INPP5A: variants seen among roughly 807,000 people sequenced by gnomAD.
The protein encoded by INPP5A is inositol polyphosphate-5-phosphatase A.
In INPP5A, 14 loss-of-function variants were observed where a neutral mutation model predicts 65.2. That is an observed-to-expected ratio of 0.21 (90% confidence interval 0.14 to 0.34). The LOEUF is 0.34. Among genes scored for constraint, INPP5A ranks in the 10% least tolerant of loss-of-function variants. The pLI is 1.00. For synonymous variants in INPP5A, 207 were observed against 208.3 expected, an observed-to-expected ratio of 0.99 and a Z score of 0.05; for missense variants, 431 against 545.6, an observed-to-expected ratio of 0.79 and a Z score of 2.09.
intron 1 of INPP5A, among the ~76,000 whole-genome samples, chr10:132,585,208 GTTA>G (rs1388449172): frequency 6.6e-6 from 1 of 152,164 alleles, no homozygotes; most frequent in Non-Finnish European, 1.5e-5. Flanking sequence ...TTTATACAAA[GTTA>G]TTAACAGGTA....
chr10:132,593,000 G>A (rs1329353964), intron 1 of INPP5A, among the ~76,000 whole-genome samples: 5 of 152,156 alleles, frequency 3.3e-5, no homozygotes, highest in Non-Finnish European at 7.3e-5. Context: ...TCAGGTGCTT[G>A]GCAGATATCA....
intron 5 of INPP5A, 66 bp downstream of exon 5, chr10:132,690,521 C>T: frequency 2.6e-6 from 3 of 1,164,356 alleles, no homozygotes; most frequent in Non-Finnish European, 3.9e-6. Flanking sequence ...TCTGGCTTCC[C>T]CAGACCTCTC....
At chr10:132,720,561 G>T (rs1018095686) in intron 8 of INPP5A, among the ~76,000 whole-genome samples, 3 of 150,164 alleles carry the variant, frequency 2.0e-5, no homozygotes, top group Non-Finnish European at 4.4e-5. Context: ...TGTCTTCAGG[G>T]TTCTGTGGTA....
At chr10:132,695,146 C>T (rs1441561494) in intron 5 of INPP5A, among the ~76,000 whole-genome samples, 1 of 151,860 alleles carries the variant, frequency 6.6e-6, no homozygotes, top group African/African-American at 2.4e-5. Context: ...CAGTTATATA[C>T]TATGACCAAC....
intron 1 of INPP5A, among the ~76,000 whole-genome samples, chr10:132,559,517 C>T (rs1046103097): frequency 1.3e-5 from 2 of 152,226 alleles, no homozygotes; most frequent in African/African-American, 4.8e-5. Context: ...CCCCTTCCGC[C>T]AACCACGAAG....
intron 4 of INPP5A, among the ~76,000 whole-genome samples, chr10:132,690,067 A>G (rs540893517): frequency 1.1e-3 from 163 of 151,848 alleles, no homozygotes; most frequent in African/African-American, 3.7e-3. Context: ...AGCCCGCGGG[A>G]CCTGCGCCCC....
chr10:132,623,573 G>A (rs942290991), intron 2 of INPP5A, among the ~76,000 whole-genome samples: 1 of 152,096 alleles, frequency 6.6e-6, no homozygotes, highest in African/African-American at 2.4e-5. Flanking sequence ...AAATCTTTTT[G>A]ACCTTGGATT....
chr10:132,663,125 G>A lies in INPP5A; in HGVS notation c.306+12620G>A, dbSNP rs73383194. ...GTGTGTCTCACAACTCAGGCAACTCGGCACGCCGCAGGACATAACGGCAGA... is the reference window on the plus strand; with the variant it reads ...GTGTGTCTCACAACTCAGGCAACTCAGCACGCCGCAGGACATAACGGCAGA... On this transcript the variant is annotated intron_variant, in intron 4 of 15. Coordinates refer to ENST00000368594, the MANE Select transcript of INPP5A (RefSeq NM_005539.5). The surrounding 1 kb of genome is among the most constrained non-coding windows in gnomAD (Gnocchi z 4.5). Among the ~76,000 whole-genome samples the A allele has an allele frequency of 4.0e-3, 616 of 152,310 alleles. 2 individuals carry two copies. Among genetic ancestry groups the A allele is most frequent in the African/African-American group, 0.014 (583 of 41,556 alleles).
intron 1 of INPP5A, among the ~76,000 whole-genome samples, chr10:132,583,418 G>A (rs1177617997): frequency 6.6e-6 from 1 of 152,148 alleles, no homozygotes; most frequent in Non-Finnish European, 1.5e-5. Flanking sequence ...CGTTGGGCTG[G>A]TCAGGACCTT....
At chr10:132,724,126 C>T (rs1485426105) in intron 8 of INPP5A, among the ~76,000 whole-genome samples, 1 of 142,238 alleles carries the variant, frequency 7.0e-6, no homozygotes, top group African/African-American at 3.1e-5. Context: ...GAAGGACTTC[C>T]CTATAAAAAG....
At chr10:132,579,614 C>T (rs2071456180) in intron 1 of INPP5A, among the ~76,000 whole-genome samples, 1 of 152,160 alleles carries the variant, frequency 6.6e-6, no homozygotes, top group Non-Finnish European at 1.5e-5. Context: ...CGGCTGGCTC[C>T]AGCCTTGCCC....
chr10:132,646,956 G>C (rs2072503894), intron 3 of INPP5A, among the ~76,000 whole-genome samples: 1 of 152,200 alleles, frequency 6.6e-6, no homozygotes, highest in African/African-American at 2.4e-5. Context: ...TGTGAGCGAG[G>C]CTTCAGGCGA....
chr10:132,569,282 G>C (rs1370102557), intron 1 of INPP5A, among the ~76,000 whole-genome samples: 1 of 152,022 alleles, frequency 6.6e-6, no homozygotes, highest in Non-Finnish European at 1.5e-5. Context: ...TATCTCACAT[G>C]GTTTCTTCTG....
intron 11 of INPP5A, among the ~76,000 whole-genome samples, chr10:132,755,093 G>T (rs576403562): frequency 6.6e-6 from 1 of 152,182 alleles, no homozygotes; most frequent in South Asian, 2.1e-4. Context: ...GCATATGCAT[G>T]TGAGCAGGCA....
At chr10:132,548,792 CTTTTTTT>C (rs71013535) in intron 1 of INPP5A, among the ~76,000 whole-genome samples, 2 of 79,316 alleles carry the variant, frequency 2.5e-5, no homozygotes, top group South Asian at 4.8e-4. Flanking sequence ...GTTTATCTGG[CTTTTTTT>C]TTTTTTTTTT....
rs187691985 is a variant in INPP5A at position 132,625,050 on chromosome 10, C to T, written c.117+17094C>T. On this transcript the variant is annotated intron_variant, in intron 2 of 15. Coordinates refer to ENST00000368594, the MANE Select transcript of INPP5A (RefSeq NM_005539.5). ...CCTTGGTTGGTTGCAGGGCCTCCTG[C>T]TCCTGCCTCAGTTTTCTCACAGGCT... is the stretch of plus-strand genomic sequence containing the variant. Among the ~76,000 whole-genome samples, 7 of 152,012 alleles carry T rather than the reference C, an allele frequency of 4.6e-5. No homozygotes were observed. The East Asian group carries it at 9.7e-4, about 21-fold the overall frequency.
chr10:132,752,648 ACACGGGGCGTGGAGGGG>A (rs1390759576), intron 11 of INPP5A, among the ~76,000 whole-genome samples: 9 of 28,052 alleles, frequency 3.2e-4, no homozygotes, highest in Non-Finnish European at 6.6e-4. Context: ...GCATGGAGGG[ACACGGGGCGTGGAGGGG>A]CACGGGGCGT....
At position 132,676,685 on chromosome 10, in the gene INPP5A, C is replaced by G. The variant is rs1043780781; in HGVS notation, c.307-13707C>G. 2.6e-5 allele frequency among the ~76,000 whole-genome samples: 4 copies of G among 152,176 alleles called. No homozygotes were observed. In the East Asian group the frequency reaches 7.7e-4, roughly 29 times the overall value. On this transcript the variant is annotated intron_variant, in intron 4 of 15. Transcript: ENST00000368594. The surrounding 1 kb of genome is among the most constrained non-coding windows in gnomAD (Gnocchi z 4.0). ...CCCTGGGCACCTGTGGCTGCTCCCT[C>G]CTCCTGACTCTGCTCCAAGGTGCCA...
At position 132,749,836 on chromosome 10, in the gene INPP5A, C is replaced by T. The variant is rs569271876; in HGVS notation, c.894C>T (p.Asn298=). The T allele has an allele frequency of 3.6e-5, 58 of 1,612,996 alleles. No individual in the cohort carries two copies. The highest frequency in any genetic ancestry group is 1.6e-4 in the Middle Eastern group (1 of 6,062). Reference sequence around the variant, plus strand: ...ACCAGGAGGTTTTCCGAGACAACAACGGCACCGCGGTGAGTTTGTGGTCCA... The same window carrying T: ...ACCAGGAGGTTTTCCGAGACAACAATGGCACCGCGGTGAGTTTGTGGTCCA... ...YFNQEVFRDN[N]GTALLEFDKE... is the part of the protein sequence containing the mutation. Residue 298 remains asparagine (N), a synonymous_variant, in exon 11 of 16, where the codon AAC becomes AAT. Transcript: ENST00000368594.
Sources: allele counts gnomAD v4.1 joint callset (sites outside exome capture counted in the v4.1 genomes callset), GRCh38; gene constraint gnomAD v4.1.1; non-coding constraint Gnocchi (gnomAD v3.1); transcripts MANE v1.5; gene names NCBI Gene and HGNC (gene_info 2026-07-23, HGNC 2026-07-21).